REPS1: variants seen among roughly 807,000 people sequenced by gnomAD.
The protein encoded by REPS1 is ralBP1-associated Eps domain-containing protein 1.
Under a neutral mutation model 100.9 loss-of-function variants are expected in REPS1, and 39 were observed. The observed-to-expected ratio is 0.39, with a 90% CI of 0.30 to 0.50. The LOEUF (loss-of-function observed/expected upper bound fraction) is 0.50. REPS1 is among the 20% of genes least tolerant of loss of function. REPS1 has a pLI of 0.86. For synonymous variants in REPS1, 324 were observed against 340.3 expected (o/e 0.95, Z 0.53); for missense variants, 821 against 968.5 (o/e 0.85, Z 2.02).
At chr6:138,930,980 A>G (rs1255541057) in intron 8 of REPS1, among the ~76,000 whole-genome samples, 2 of 152,210 alleles carry the variant, frequency 1.3e-5, no homozygotes, top group Admixed American at 6.5e-5. Context: ...ATTTAAAAAC[A>G]GAAGGAAATT....
At chr6:138,913,006 A>G (rs1780113813) in intron 15 of REPS1, 56 bp from the exon 16 acceptor site, 5 of 1,440,396 alleles carry the variant, frequency 3.5e-6, no homozygotes, top group African/African-American at 1.4e-5. Context: ...TCAGTGTCAC[A>G]GAGTCATCTT....
chr6:138,954,883 A>G (rs1299799381), intron 1 of REPS1, among the ~76,000 whole-genome samples: 2 of 152,210 alleles, frequency 1.3e-5, no homozygotes, highest in African/African-American at 2.4e-5. Flanking sequence ...ACAAGCACAC[A>G]TAATACATAC....
chr6:138,924,690 T>C (rs1380787139), intron 10 of REPS1, among the ~76,000 whole-genome samples: 1 of 152,212 alleles, frequency 6.6e-6, no homozygotes, highest in African/African-American at 2.4e-5. Flanking sequence ...AGGAATAATA[T>C]AGAGAATCAA....
At position 138,973,975 on chromosome 6, in the gene REPS1, G is replaced by C. The variant is rs560176041; in HGVS notation, c.153+13555C>G. Among the ~76,000 whole-genome samples the C allele has an allele frequency of 2.0e-5, 3 of 152,216 alleles. No homozygotes were observed. In the South Asian group the frequency reaches 6.2e-4, roughly 32 times the overall value. ...CAGGAATACAGTCAGGAAGCAGACA[G>C]GCACAGTGACCCCTTGGAGCTTAGA... On this transcript the variant is annotated intron_variant, in intron 1 of 19. Transcript: ENST00000450536.
chr6:138,981,660 T>C (rs1582870653), intron 1 of REPS1, among the ~76,000 whole-genome samples: 1 of 152,150 alleles, frequency 6.6e-6, no homozygotes, highest in Admixed American at 6.5e-5. Context: ...GTGGCTGGAA[T>C]AGATTAGCCG....
intron 1 of REPS1, among the ~76,000 whole-genome samples, chr6:138,980,077 G>A (rs1784847799): frequency 6.6e-6 from 1 of 152,062 alleles, no homozygotes; most frequent in African/African-American, 2.4e-5. Flanking sequence ...CCATCCAATA[G>A]TGGCAACTTC....
intron 1 of REPS1, among the ~76,000 whole-genome samples, chr6:138,956,010 A>G (rs1271428831): frequency 6.6e-6 from 1 of 152,178 alleles, no homozygotes; most frequent in Non-Finnish European, 1.5e-5. Flanking sequence ...AGACTAAGTT[A>G]TTTTTGAAAA....
intron 1 of REPS1, among the ~76,000 whole-genome samples, chr6:138,975,798 C>T (rs148980136): frequency 0.018 from 2,674 of 152,084 alleles, 84 homozygotes; most frequent in African/African-American, 0.061. Context: ...TGTGCCATTG[C>T]GCTCCAGCCT....
intron 10 of REPS1, among the ~76,000 whole-genome samples, chr6:138,922,953 G>A (rs1015701092): frequency 6.6e-5 from 10 of 152,126 alleles, no homozygotes; most frequent in Admixed American, 2.0e-4. Flanking sequence ...CAAACAACTT[G>A]TAACAAATTC....
chr6:138,948,688 A>C (rs1237930388), intron 1 of REPS1, among the ~76,000 whole-genome samples: 1 of 152,218 alleles, frequency 6.6e-6, no homozygotes, highest in African/African-American at 2.4e-5. Context: ...TCTTAAAATA[A>C]ACACTAGGCA....
intron 1 of REPS1, among the ~76,000 whole-genome samples, chr6:138,976,554 A>T (rs1784613384): frequency 6.6e-6 from 1 of 152,222 alleles, no homozygotes; most frequent in South Asian, 2.1e-4. Flanking sequence ...ATTACTTGTC[A>T]GTCATGACTA....
intron 8 of REPS1, among the ~76,000 whole-genome samples, chr6:138,936,480 T>C (rs550680377): frequency 6.3e-4 from 96 of 152,166 alleles, no homozygotes; most frequent in African/African-American, 2.3e-3. Context: ...ACCAATTTCA[T>C]TAAATGGTGT....
At chr6:138,937,808 C>T (rs767834441) in intron 8 of REPS1, among the ~76,000 whole-genome samples, 1 of 152,172 alleles carries the variant, frequency 6.6e-6, no homozygotes, top group Non-Finnish European at 1.5e-5. Context: ...CAATTTGCAC[C>T]TTGCTAGGCA....
At position 138,915,990 on chromosome 6, in the gene REPS1, C is replaced by T. The variant is rs1326598208; in HGVS notation, c.1602-14G>A. The T allele has an allele frequency of 6.3e-7, 1 of 1,581,420 alleles. No individual in the cohort carries two copies. Among genetic ancestry groups the T allele is most frequent in the African/African-American group, 1.3e-5 (1 of 74,204 alleles). On this transcript the variant is annotated splice_polypyrimidine_tract_variant and intron_variant, in intron 13 of 19. Transcript: ENST00000450536. ...CCTGAATGAGACCTGCAAAATTCACCCCATGATAATTGGTCATACTACTGA... is the reference window on the plus strand; with the variant it reads ...CCTGAATGAGACCTGCAAAATTCACTCCATGATAATTGGTCATACTACTGA...
In REPS1 at chr6:138,987,881, C is replaced by A. The variant is rs550195048; in HGVS notation, c.-199G>T. ...GAGGAGGGGGCCCGGCTGCGCTCGC[C>A]GCGCCGCTGCCTGCGAGGCCCGGCG... is the stretch of plus-strand genomic sequence containing the variant. On this transcript the variant is annotated 5_prime_UTR_variant, in exon 1 of 20. Coordinates refer to ENST00000450536, the MANE Select transcript of REPS1 (RefSeq NM_001286611.2). The A allele has an allele frequency of 2.0e-4, 97 of 486,044 alleles. No homozygotes were observed. The highest frequency in any genetic ancestry group is 1.2e-3 in the African/African-American group (62 of 49,750). The allele number at this position is 486,044 out of a possible 1,614,324, so 30.1% of individuals were successfully genotyped here. A position where few individuals can be genotyped will look rare whatever the true frequency, so the allele number is the denominator to read the frequency against.
chr6:138,908,427 TG>T (rs2128423896), intron 18 of REPS1, among the ~76,000 whole-genome samples: 1 of 152,260 alleles, frequency 6.6e-6, no homozygotes, highest in South Asian at 2.1e-4. Context: ...CCCGAGTAGC[TG>T]GGACTACAGG....
intron 8 of REPS1, among the ~76,000 whole-genome samples, chr6:138,930,594 C>CT (rs554784493): frequency 1.1e-4 from 17 of 149,668 alleles, no homozygotes; most frequent in Admixed American, 4.7e-4. Flanking sequence ...GTTTAAATCA[C>CT]TTTTTTTTTT....
At position 138,987,940 on chromosome 6, in the gene REPS1, G is replaced by C; in HGVS notation, c.-258C>G. On this transcript the variant is annotated 5_prime_UTR_variant, in exon 1 of 20. Transcript: ENST00000450536. ...CGGCTGCGGCTGCGACTACGGCTCCGGCTCCGGCTCCGGCTCCGGCCGCGG... is the reference window on the plus strand; with the variant it reads ...CGGCTGCGGCTGCGACTACGGCTCCCGCTCCGGCTCCGGCTCCGGCCGCGG... 3.0e-6 allele frequency: 1 copy of C among 330,472 alleles called. No individual in the cohort carries two copies. The highest frequency in any genetic ancestry group is 4.9e-6 in the Non-Finnish European group (1 of 202,870). 20.5% of individuals were successfully genotyped at this position (330,472 alleles called of 1,614,324 possible).
At position 138,969,615 on chromosome 6, in the gene REPS1, GT is replaced by G. The variant is rs770362182; in HGVS notation, c.153+17914del. On this transcript the variant is annotated intron_variant, in intron 1 of 19. Transcript: ENST00000450536. ...GGCTGTAATTTTAAGCATCAAAATGGTTGGCAACCTGAGCACAAGCTTTGCC... is the reference window on the plus strand; with the variant it reads ...GGCTGTAATTTTAAGCATCAAAATGGTGGCAACCTGAGCACAAGCTTTGCC... Among the ~76,000 whole-genome samples the G allele has an allele frequency of 3.3e-5, 5 of 151,956 alleles. No homozygotes were observed. In the South Asian group the frequency reaches 1.0e-3, roughly 32 times the overall value.
Sources: gnomAD v4.1 joint callset for allele counts (sites outside exome capture counted in the v4.1 genomes callset) on GRCh38, gnomAD v4.1.1 for gene constraint, MANE v1.5 for transcripts, NCBI Gene and HGNC (gene_info 2026-07-23, HGNC 2026-07-21) for gene names.